ABCC4: variants seen among roughly 807,000 people sequenced by gnomAD.
The protein encoded by ABCC4 is ATP binding cassette subfamily C member 4 (PEL blood group).
Under a neutral mutation model 168.5 loss-of-function variants are expected in ABCC4, and 102 were observed. The observed-to-expected ratio is 0.61, with a 90% CI of 0.52 to 0.71. The LOEUF is 0.71. ABCC4 is among the 30% of genes least tolerant of loss of function. ABCC4 has a pLI of 0.00. For missense variants in ABCC4, 1,402 were observed against 1,605.8 expected (o/e 0.87, Z 2.17); for synonymous variants, 617 against 590.7 (o/e 1.04, Z -0.65).
chr13:95,258,382 G>A (rs149758681), intron 1 of ABCC4, among the ~76,000 whole-genome samples: 1 of 152,236 alleles, frequency 6.6e-6, no homozygotes, highest in Non-Finnish European at 1.5e-5. Context: ...TTGCGTGCGA[G>A]CAAATGCTTT....
chr13:95,129,650 T>G (rs1051417881), intron 19 of ABCC4, among the ~76,000 whole-genome samples: 1 of 152,172 alleles, frequency 6.6e-6, no homozygotes, highest in African/African-American at 2.4e-5. Flanking sequence ...TAGAAAACAT[T>G]TGTAGAAGAA....
chr13:95,215,753 GAC>G (rs2039091982), intron 4 of ABCC4, among the ~76,000 whole-genome samples: 1 of 152,144 alleles, frequency 6.6e-6, no homozygotes, highest in African/African-American at 2.4e-5. Flanking sequence ...TGTCAAAGAT[GAC>G]ATCATAAGGG....
At chr13:95,033,748 C>G (rs574316743) in intron 30 of ABCC4, among the ~76,000 whole-genome samples, 1 of 151,850 alleles carries the variant, frequency 6.6e-6, no homozygotes, top group Admixed American at 6.6e-5. Flanking sequence ...CCGCAACCTC[C>G]GCCTCCTCGG....
intron 28 of ABCC4, among the ~76,000 whole-genome samples, 188 bp from the exon 29 acceptor site, chr13:95,043,975 A>G (rs886491062): frequency 1.3e-5 from 2 of 152,164 alleles, no homozygotes; most frequent in Non-Finnish European, 2.9e-5. Flanking sequence ...CTATGTAGTA[A>G]TTTACTAATT....
Position 95,058,594 on chromosome 13 carries a change from A to AAAAAAAAAAAAAAG in ABCC4, c.3366+4109_3366+4110insCTTTTTTTTTTTTT, listed in dbSNP as rs2033163283. ...AAAAAAAAAAAAAAAAAAAAAAAAGAAAAGAAAAAGAAAAAGAAAAGAAAA... is the reference window on the plus strand; with the variant it reads ...AAAAAAAAAAAAAAAAAAAAAAAAGAAAAAAAAAAAAAAGAAAGAAAAAGAAAAAGAAAAGAAAA... On this transcript the variant is annotated intron_variant, in intron 26 of 30. Transcript: ENST00000645237. Among the ~76,000 whole-genome samples, 124 of 41,346 alleles carry AAAAAAAAAAAAAAG rather than the reference A, an allele frequency of 3.0e-3. 2 individuals carry two copies. The highest frequency in any genetic ancestry group is 8.8e-3 in the East Asian group (11 of 1,246). 27.1% of individuals were successfully genotyped at this position (41,346 alleles called of 152,430 possible). A position where few individuals can be genotyped will look rare whatever the true frequency, so the allele number is the denominator to read the frequency against.
At chr13:95,155,074 A>G (rs2036812246) in intron 19 of ABCC4, among the ~76,000 whole-genome samples, 1 of 152,202 alleles carries the variant, frequency 6.6e-6, no homozygotes, top group African/African-American at 2.4e-5. Flanking sequence ...TTATTTAGCA[A>G]CTTGTAGTGG....
intron 9 of ABCC4, among the ~76,000 whole-genome samples, chr13:95,191,920 T>C (rs1006324316): frequency 1.3e-5 from 2 of 152,344 alleles, no homozygotes; most frequent in Admixed American, 1.3e-4. Context: ...CCAGCACTGG[T>C]GGGCTGCAGC....
intron 30 of ABCC4, among the ~76,000 whole-genome samples, chr13:95,029,207 TATATATAGAGAGAG>T (rs2031724540): frequency 1.9e-5 from 1 of 52,324 alleles, no homozygotes; most frequent in East Asian, 5.3e-4. Flanking sequence ...TATATATATA[TATATATAGAGAGAG>T]AGAGAGAGAG....
Position 95,287,456 on chromosome 13 carries a change from A to G in ABCC4, c.74+13785T>C, listed in dbSNP as rs536543401. 1.2e-4 allele frequency among the ~76,000 whole-genome samples: 18 copies of G among 151,856 alleles called. No individual in the cohort carries two copies. In the East Asian group the frequency reaches 3.5e-3, roughly 30 times the overall value. ...ACAAAAATTAGCTGGGCATGGTGGCAGGCACCTGTAATCCCAGCTACTCAG... is the reference window on the plus strand; with the variant it reads ...ACAAAAATTAGCTGGGCATGGTGGCGGGCACCTGTAATCCCAGCTACTCAG... On this transcript the variant is annotated intron_variant, in intron 1 of 30. Coordinates refer to ENST00000645237, the MANE Select transcript of ABCC4 (RefSeq NM_005845.5).
At chr13:95,124,978 A>C (rs1434878400) in intron 19 of ABCC4, among the ~76,000 whole-genome samples, 6 of 152,178 alleles carry the variant, frequency 3.9e-5, no homozygotes, top group Non-Finnish European at 7.4e-5. Context: ...ACAAACCTAG[A>C]AGAGTGAACT....
chr13:95,164,533 A>C lies in ABCC4; in HGVS notation c.2035-15T>G. On this transcript the variant is annotated splice_polypyrimidine_tract_variant and intron_variant, in intron 15 of 30. Transcript: ENST00000645237. ...ACATTCTCTGTCTGCAGAGGAAAAAAGGTGGTAAGAGACAAAACAGTATAC... is the reference window on the plus strand; with the variant it reads ...ACATTCTCTGTCTGCAGAGGAAAAACGGTGGTAAGAGACAAAACAGTATAC... 2 of 1,613,794 alleles carry C rather than the reference A, an allele frequency of 1.2e-6. No individual in the cohort carries two copies. Among genetic ancestry groups the C allele is most frequent in the Non-Finnish European group, 1.7e-6 (2 of 1,179,798 alleles).
Position 95,170,521 on chromosome 13 carries a change from A to T in ABCC4, c.1824+11T>A. 1.3e-6 allele frequency: 2 copies of T among 1,590,690 alleles called. No homozygotes were observed. Among genetic ancestry groups the T allele is most frequent in the Non-Finnish European group, 1.7e-6 (2 of 1,163,838 alleles). ...ACTTGCAAGTTCGGGAGACCTCTAG[A>T]AACTACTTACATCTTTCAATATCAG... On this transcript the variant is annotated intron_variant, in intron 14 of 30. Transcript: ENST00000645237.
chr13:95,090,838 G>A (rs1054588930), intron 20 of ABCC4, among the ~76,000 whole-genome samples: 5 of 152,154 alleles, frequency 3.3e-5, no homozygotes, highest in African/African-American at 1.2e-4. Flanking sequence ...AATCAGGGGG[G>A]CACCAGAGAA....
intron 1 of ABCC4, among the ~76,000 whole-genome samples, chr13:95,256,920 A>G (rs1052957769): frequency 2.6e-4 from 40 of 152,348 alleles, no homozygotes; most frequent in African/African-American, 9.1e-4. Flanking sequence ...AGACTAAGGA[A>G]TAAGACTCCT....
chr13:95,186,238 A>C (rs1297836135), intron 11 of ABCC4, among the ~76,000 whole-genome samples: 8 of 125,516 alleles, frequency 6.4e-5, no homozygotes, highest in Non-Finnish European at 8.9e-5. Context: ...TACAGATAAA[A>C]TACAATTACA....
intron 1 of ABCC4, among the ~76,000 whole-genome samples, chr13:95,271,049 C>T (rs148877440): frequency 2.0e-4 from 31 of 152,074 alleles, no homozygotes; most frequent in Non-Finnish European, 2.5e-4. Context: ...GAGCCGAGAT[C>T]GCGCCACTGC....
chr13:95,021,329 G>A lies in ABCC4; in HGVS notation c.*246C>T, dbSNP rs193269501. The A allele has an allele frequency of 2.0e-5, 8 of 393,320 alleles. No homozygotes were observed. The highest frequency in any genetic ancestry group is 1.6e-4 in the South Asian group (3 of 19,184). 24.4% of individuals were successfully genotyped at this position (393,320 alleles called of 1,614,324 possible). A position where few individuals can be genotyped will look rare whatever the true frequency, so the allele number is the denominator to read the frequency against. On this transcript the variant is annotated 3_prime_UTR_variant, in exon 31 of 31. Transcript: ENST00000645237. ...TCTTAAGGCACAAAACCTGATAGAC[G>A]GCATTTAACTGGTGGCCTGCACCTC...
At chr13:95,111,521 C>T (rs2035204550) in intron 20 of ABCC4, among the ~76,000 whole-genome samples, 1 of 152,278 alleles carries the variant, frequency 6.6e-6, no homozygotes, top group South Asian at 2.1e-4. Context: ...TTTCTTTATT[C>T]ACTACTGTTG....
intron 8 of ABCC4, 50 bp downstream of exon 8, chr13:95,206,482 C>T (rs749286188): frequency 6.3e-7 from 1 of 1,594,086 alleles, no homozygotes; most frequent in Admixed American, 1.7e-5. Context: ...AAGGAGACAT[C>T]ATTCTACTTC....
Sources: allele counts gnomAD v4.1 joint callset (sites outside exome capture counted in the v4.1 genomes callset), GRCh38; gene constraint gnomAD v4.1.1; transcripts MANE v1.5; gene names NCBI Gene and HGNC (gene_info 2026-07-23, HGNC 2026-07-21).